The following SPAG16 variants were observed in gnomAD, a reference collection of about 807,000 sequenced individuals.
SPAG16 encodes sperm associated antigen 16.
A neutral mutation model predicts 80.4 loss-of-function variants in SPAG16; 86 were observed. That is an observed-to-expected ratio of 1.07 (90% confidence interval 0.90 to 1.28). The LOEUF (loss-of-function observed/expected upper bound fraction) is 1.28. Ranked by LOEUF, SPAG16 falls within the 50% of genes most tolerant of loss-of-function variation. The pLI, the probability that SPAG16 is intolerant of heterozygous loss-of-function variation, is 0.00. For missense variants in SPAG16, 870 were observed against 765.3 expected (o/e 1.14, Z -1.61); for synonymous variants, 294 against 265.9 (o/e 1.11, Z -1.03).
intron 13 of SPAG16, among the ~76,000 whole-genome samples, chr2:214,016,724 C>A (rs1161561816): frequency 6.6e-6 from 1 of 152,038 alleles, no homozygotes; most frequent in Non-Finnish European, 1.5e-5. Flanking sequence ...ATTTTCATAA[C>A]TTGAAGAATG....
rs546741805 is a variant in SPAG16, at chr2:213,444,303, A to C, written c.943-45660A>C. Among the ~76,000 whole-genome samples, 117 of 152,078 alleles carry C rather than the reference A, an allele frequency of 7.7e-4. 6 individuals carry two copies. The highest frequency in any genetic ancestry group is 2.1e-4 in the Non-Finnish European group (14 of 68,022). On this transcript the variant is annotated intron_variant, in intron 9 of 15. Coordinates refer to ENST00000331683, the MANE Select transcript of SPAG16 (RefSeq NM_024532.5). Reference sequence around the variant, plus strand: ...GGTCCTGGGGTGGAGTTTGTGGCATATGTGTGTCTCAGCTTTTCCTTCCTT... The same window carrying C: ...GGTCCTGGGGTGGAGTTTGTGGCATCTGTGTGTCTCAGCTTTTCCTTCCTT...
chr2:213,344,371 C>T (rs546411001), intron 6 of SPAG16, among the ~76,000 whole-genome samples: 1 of 151,878 alleles, frequency 6.6e-6, no homozygotes, highest in Non-Finnish European at 1.5e-5. Flanking sequence ...ACCTTATTCA[C>T]TGGAGTTTTT....
intron 11 of SPAG16, among the ~76,000 whole-genome samples, chr2:213,903,356 C>T (rs1279172852): frequency 1.3e-5 from 2 of 152,230 alleles, no homozygotes; most frequent in East Asian, 3.9e-4. Context: ...GAAATCTAGG[C>T]AGAGGTTCCC....
At chr2:214,183,484 A>T (rs370616122) in intron 15 of SPAG16, among the ~76,000 whole-genome samples, 1 of 152,082 alleles carries the variant, frequency 6.6e-6, no homozygotes, top group Non-Finnish European at 1.5e-5. Flanking sequence ...AAATGTGGCT[A>T]CTATGGCTCT....
chr2:214,053,617 C>T (rs1222295552), intron 13 of SPAG16, among the ~76,000 whole-genome samples: 1 of 152,156 alleles, frequency 6.6e-6, no homozygotes, highest in Non-Finnish European at 1.5e-5. Context: ...TTTGGTAGCA[C>T]CAAAGACTCC....
intron 10 of SPAG16, among the ~76,000 whole-genome samples, chr2:213,658,775 A>C (rs894867207): frequency 6.6e-6 from 1 of 152,222 alleles, no homozygotes; most frequent in Non-Finnish European, 1.5e-5. Context: ...ACTGTGGCTC[A>C]CGCTTGTAAT....
intron 15 of SPAG16, among the ~76,000 whole-genome samples, chr2:214,224,415 AATTTCTTCAGT>A (rs1444073215): frequency 5.7e-4 from 87 of 152,300 alleles, no homozygotes; most frequent in African/African-American, 2.0e-3. Flanking sequence ...TGAGGTTTAT[AATTTCTTCAGT>A]ATGTGCAAAT....
intron 15 of SPAG16, among the ~76,000 whole-genome samples, chr2:214,275,039 C>T (rs963300367): frequency 6.6e-6 from 1 of 151,970 alleles, no homozygotes; most frequent in Non-Finnish European, 1.5e-5. Flanking sequence ...GTGTATATGT[C>T]CAGGAATTTA....
intron 10 of SPAG16, among the ~76,000 whole-genome samples, chr2:213,856,055 T>C (rs1575366748): frequency 6.6e-6 from 1 of 152,134 alleles, no homozygotes. Context: ...TATGAGCCTG[T>C]AAAATCAAAA....
chr2:214,365,161 G>T (rs1398431785), intron 15 of SPAG16, among the ~76,000 whole-genome samples: 1 of 152,148 alleles, frequency 6.6e-6, no homozygotes, highest in Non-Finnish European at 1.5e-5. Flanking sequence ...TTTAACAAGA[G>T]ATAGGAAATA....
intron 14 of SPAG16, among the ~76,000 whole-genome samples, chr2:214,115,391 G>A (rs898206092): frequency 6.6e-6 from 1 of 152,184 alleles, no homozygotes; most frequent in African/African-American, 2.4e-5. Context: ...TCATTACTTG[G>A]TGCCTTTAGG....
At chr2:213,606,977 C>G (rs763168595) in intron 10 of SPAG16, among the ~76,000 whole-genome samples, 7 of 152,152 alleles carry the variant, frequency 4.6e-5, no homozygotes, top group Non-Finnish European at 8.8e-5. Flanking sequence ...TGGAAGAAAA[C>G]AGCAGAGACA....
At chr2:213,385,546 C>T (rs906132664) in intron 9 of SPAG16, among the ~76,000 whole-genome samples, 1 of 152,006 alleles carries the variant, frequency 6.6e-6, no homozygotes, top group African/African-American at 2.4e-5. Context: ...CATTACTTAC[C>T]TGAATAGGTT....
At chr2:213,412,885 A>G (rs1575526366) in intron 9 of SPAG16, among the ~76,000 whole-genome samples, 1 of 152,204 alleles carries the variant, frequency 6.6e-6, no homozygotes, top group African/African-American at 2.4e-5. Context: ...AAAAATATGA[A>G]TTGTCTCATC....
intron 13 of SPAG16, among the ~76,000 whole-genome samples, chr2:214,107,164 C>A (rs569370534): frequency 1.3e-5 from 2 of 152,212 alleles, no homozygotes; most frequent in South Asian, 4.1e-4. Flanking sequence ...CCCTGCCTGA[C>A]AATTTCTTCT....
At chr2:213,947,351 A>G (rs1254889343) in intron 12 of SPAG16, among the ~76,000 whole-genome samples, 1 of 152,150 alleles carries the variant, frequency 6.6e-6, no homozygotes, top group Non-Finnish European at 1.5e-5. Context: ...CCTTATCAGC[A>G]TTTATTACTA....
intron 4 of SPAG16, among the ~76,000 whole-genome samples, chr2:213,313,577 G>T (rs1047580052): frequency 6.6e-6 from 1 of 151,770 alleles, no homozygotes; most frequent in Admixed American, 6.6e-5. Flanking sequence ...TGATCTTAAA[G>T]ACCAGTCTCC....
intron 10 of SPAG16, among the ~76,000 whole-genome samples, chr2:213,809,756 G>A (rs2072012078): frequency 6.6e-6 from 1 of 152,146 alleles, no homozygotes; most frequent in African/African-American, 2.4e-5. Flanking sequence ...TTTAGGGGGA[G>A]ACATGGTTTA....
intron 10 of SPAG16, among the ~76,000 whole-genome samples, chr2:213,731,510 G>T (rs2067042338): frequency 6.7e-6 from 1 of 148,928 alleles, no homozygotes; most frequent in Non-Finnish European, 1.5e-5. Context: ...GGGTACATGT[G>T]CAGGATGTGC....
Sources: gnomAD v4.1 joint callset for allele counts (sites outside exome capture counted in the v4.1 genomes callset) on GRCh38, gnomAD v4.1.1 for gene constraint, MANE v1.5 for transcripts, NCBI Gene and HGNC (gene_info 2026-07-23, HGNC 2026-07-21) for gene names.